MED23: variants seen among roughly 807,000 people sequenced by gnomAD.
The protein encoded by MED23 is mediator complex subunit 23, also known as mediator of RNA polymerase II transcription subunit 23.
Under a neutral mutation model 163.9 loss-of-function variants are expected in MED23, and 105 were observed. That is an observed-to-expected ratio of 0.64 (90% confidence interval 0.55 to 0.75). MED23 has a LOEUF of 0.75. MED23 is among the 30% of genes least tolerant of loss of function. The probability of loss-of-function intolerance (pLI) is 0.00; values close to 1 mark genes in which losing one functional copy is unlikely to be tolerated. For synonymous variants in MED23, 561 were observed against 565.6 expected, an observed-to-expected ratio of 0.99 and a Z score of 0.12; for missense variants, 1,054 against 1,649.0, an observed-to-expected ratio of 0.64 and a Z score of 6.25.
intron 17 of MED23, among the ~76,000 whole-genome samples, chr6:131,600,495 G>A (rs954133314): frequency 5.9e-5 from 9 of 152,066 alleles, no homozygotes; most frequent in African/African-American, 1.4e-4. Flanking sequence ...TACTTTATTC[G>A]GCCAAGGGAA....
rs1775985390 is a variant in MED23, at chr6:131,608,062, G to A, written c.1087C>T (p.Arg363Ter). 6 of 1,613,604 alleles carry A rather than the reference G, an allele frequency of 3.7e-6. No homozygotes were observed. The highest frequency in any genetic ancestry group is 3.4e-6 in the Non-Finnish European group (4 of 1,179,790). Residue 363 changes from arginine (R) to a stop codon, truncating the protein, a stop_gained, in exon 12 of 29, where the codon CGA becomes TGA. Coordinates refer to ENST00000368068, the MANE Select transcript of MED23 (RefSeq NM_004830.4). LOFTEE classifies it high-confidence loss of function. ...VLSLHQKLAG[R>*]GLIKGRDHLM... ...TGATCTCTGCCTTTAATCAGTCCTCGCCCTGCTAACTATAAAAGATGTTTA... is the reference window on the plus strand; with the variant it reads ...TGATCTCTGCCTTTAATCAGTCCTCACCCTGCTAACTATAAAAGATGTTTA...
chr6:131,627,131 T>G, intron 3 of MED23: 1 of 390,454 alleles, frequency 2.6e-6, no homozygotes, highest in Non-Finnish European at 4.5e-6. Context: ...ATGAAAATGA[T>G]CTCAATTAAT....
chr6:131,616,323 G>A (rs542130924), intron 9 of MED23, among the ~76,000 whole-genome samples: 2 of 152,118 alleles, frequency 1.3e-5, no homozygotes, highest in South Asian at 4.2e-4. Context: ...AAACGCAGAA[G>A]GTTTAAATTT....
At chr6:131,625,017 G>A (rs1777382222) in intron 3 of MED23, 28 bp from the exon 4 acceptor site, 1 of 1,610,934 alleles carries the variant, frequency 6.2e-7, no homozygotes, top group African/African-American at 1.3e-5. Flanking sequence ...GATTTTACTT[G>A]GGGTCTAAAG....
chr6:131,586,644 G>T, downstream of MED23: 2 of 805,340 alleles, frequency 2.5e-6, no homozygotes, highest in South Asian at 2.7e-5. Flanking sequence ...GTCACCAACT[G>T]TAGTGTAGGA....
At position 131,600,076 on chromosome 6, in the gene MED23, C is replaced by G; in HGVS notation, c.2182G>C (p.Ala728Pro). 6.2e-7 allele frequency: 1 copy of G among 1,613,912 alleles called. No homozygotes were observed. Among genetic ancestry groups the G allele is most frequent in the East Asian group, 2.2e-5 (1 of 44,850 alleles). Residue 728 changes from alanine to proline, a missense_variant, in exon 18 of 29, where the codon GCT (alanine) becomes CCT (proline). Ala to Pro is a conservative substitution (Grantham distance 27, BLOSUM62 -1). Transcript: ENST00000368068. Reference sequence around the variant, plus strand: ...GGAAAACAGCTCAGGGTGTGTGAAGCCCAATTATGAGGAGTGAAACTCATG... The same window carrying G: ...GGAAAACAGCTCAGGGTGTGTGAAGGCCAATTATGAGGAGTGAAACTCATG... ...TIMSFTPHNW[A>P]SHTLSCFPGP...
chr6:131,588,025 A>C (rs1231332080), intron 28 of MED23, among the ~76,000 whole-genome samples, 179 bp from the exon 29 acceptor site: 1 of 152,154 alleles, frequency 6.6e-6, no homozygotes, highest in Non-Finnish European at 1.5e-5. Flanking sequence ...TCTTTCTTGC[A>C]TGAGAAACAA....
chr6:131,598,973 T>G lies in MED23; in HGVS notation c.2221-212A>C, dbSNP rs1319673934. 6.6e-6 allele frequency among the ~76,000 whole-genome samples: 1 copy of G among 152,214 alleles called. No homozygotes were observed. The highest frequency in any genetic ancestry group is 1.9e-4 in the East Asian group (1 of 5,196). On this transcript the variant is annotated intron_variant, in intron 18 of 28. Coordinates refer to ENST00000368068, the MANE Select transcript of MED23 (RefSeq NM_004830.4). This position sits in a 1 kb window ranked among gnomAD's most constrained non-coding sequence, Gnocchi z 4.7. The stretch of plus-strand genomic sequence containing the variant: ...GATTCCTTTTCCTAGATTTCCTAAA[T>G]GGAAATTCTAAGTAAGCCTGAATTC...
At chr6:131,624,380 T>C (rs1777331862) in intron 4 of MED23, among the ~76,000 whole-genome samples, 1 of 152,212 alleles carries the variant, frequency 6.6e-6, no homozygotes, top group South Asian at 2.1e-4. Flanking sequence ...GCGGAGGTTC[T>C]GGCTAATAAT....
chr6:131,582,791 T>G, downstream of MED23: 1 of 1,248,528 alleles, frequency 8.0e-7, no homozygotes, highest in Non-Finnish European at 1.2e-6. Flanking sequence ...TGACCAACTC[T>G]ATGAGAGAAA....
At chr6:131,620,880 A>G in intron 6 of MED23, 151 bp from the exon 7 acceptor site, 1 of 522,264 alleles carries the variant, frequency 1.9e-6, no homozygotes, top group Non-Finnish European at 3.3e-6. Context: ...ATGGCTCACT[A>G]CATCTTCAAC....
chr6:131,618,459 A>G lies in MED23; in HGVS notation c.728T>C (p.Leu243Pro). Residue 243 changes from leucine (L) to proline (P), a missense_variant, in exon 9 of 29, where the codon CTG becomes CCG. By Grantham distance (98) the Leu-to-Pro change is moderately conservative. Around this residue, in one of 11 missense-constraint regions of MED23, gnomAD observed 54 missense variants for 79.7 expected, o/e 0.68. Coordinates refer to ENST00000368068, the MANE Select transcript of MED23 (RefSeq NM_004830.4). ...AGGAAAACGAAGAGTAGCAGGATCC[A>G]GTTTCCATGAATTACAAATGGCACC... ...NSGAICNSWK[L>P]DPATLRFPLK... 1 of 1,614,106 alleles carries G rather than the reference A, an allele frequency of 6.2e-7. No homozygotes were observed. Among genetic ancestry groups the G allele is most frequent in the Non-Finnish European group, 8.5e-7 (1 of 1,179,968 alleles).
At chr6:131,597,202 C>T (rs903494979) in intron 20 of MED23, among the ~76,000 whole-genome samples, 3 of 152,026 alleles carry the variant, frequency 2.0e-5, no homozygotes, top group Admixed American at 6.6e-5. Flanking sequence ...GAAGGCCAGG[C>T]GCGGTGGCTC....
intron 8 of MED23, 66 bp downstream of exon 8, chr6:131,619,761 C>A: frequency 8.1e-7 from 1 of 1,231,232 alleles, no homozygotes; most frequent in Non-Finnish European, 1.2e-6. Flanking sequence ...CATCCCTCAG[C>A]TTTGTTCAAT....
At position 131,619,818 on chromosome 6, in the gene MED23, T is replaced by C. The variant is rs771676664; in HGVS notation, c.667+9A>G. 3 of 1,594,820 alleles carry C rather than the reference T, an allele frequency of 1.9e-6. No individual in the cohort carries two copies. Among genetic ancestry groups the C allele is most frequent in the Admixed American group, 1.7e-5 (1 of 59,960 alleles). Reference sequence around the variant, plus strand: ...GTACTATTTGGCATATTTAAAATTATAATCCTACCACAAATGGAGTTTATC... The same window carrying C: ...GTACTATTTGGCATATTTAAAATTACAATCCTACCACAAATGGAGTTTATC... On this transcript the variant is annotated intron_variant, in intron 8 of 28. Transcript: ENST00000368068.
Position 131,601,885 on chromosome 6 carries a change from A to AT in MED23, c.2095+332dup, listed in dbSNP as rs1444329775. On this transcript the variant is annotated intron_variant, in intron 17 of 28. Transcript: ENST00000368068. ...TTAATTTTAATATCTAATATAATAA[A>AT]TATCCATAGATATAATCCATATAAA... Among the ~76,000 whole-genome samples, 8 of 152,046 alleles carry AT rather than the reference A, an allele frequency of 5.3e-5. 1 individual carries two copies. The highest frequency in any genetic ancestry group is 8.8e-5 in the Non-Finnish European group (6 of 68,000).
chr6:131,577,376 G>A (rs1012703311), intron 30 of MED23, among the ~76,000 whole-genome samples: 2 of 152,096 alleles, frequency 1.3e-5, no homozygotes, highest in African/African-American at 2.4e-5. Flanking sequence ...TTTACATTTT[G>A]ACCCAGCAGT....
At chr6:131,623,844 A>G (rs934448135) in intron 4 of MED23, among the ~76,000 whole-genome samples, 9 of 152,190 alleles carry the variant, frequency 5.9e-5, no homozygotes, top group Non-Finnish European at 1.3e-4. Flanking sequence ...AGTCTCGGGT[A>G]TATCTTTGTT....
intron 30 of MED23, chr6:131,581,410 G>T: frequency 1.3e-6 from 2 of 1,597,438 alleles, no homozygotes; most frequent in Non-Finnish European, 1.7e-6. Flanking sequence ...TAGTGCAATA[G>T]AATACTTTTT....
Sources: gnomAD v4.1 joint callset for allele counts (sites outside exome capture counted in the v4.1 genomes callset) on GRCh38, gnomAD v4.1.1 for gene constraint, gnomAD v4.1.1 regional missense constraint, Gnocchi (gnomAD v3.1) non-coding constraint, MANE v1.5 for transcripts, NCBI Gene and HGNC (gene_info 2026-07-23, HGNC 2026-07-21) for gene names.